NCEH1: variants seen among roughly 807,000 people sequenced by gnomAD.
The protein encoded by NCEH1 is 2-acetyl MAGE hydrolase.
In NCEH1, 9 loss-of-function variants were observed where a neutral mutation model predicts 25.4. That is an observed-to-expected ratio of 0.35 (90% CI 0.21 to 0.62). The LOEUF (loss-of-function observed/expected upper bound fraction) is 0.62, where lower values mean the gene tolerates loss of function less well. NCEH1 is among the 20% of genes least tolerant of loss of function. The pLI, the probability that NCEH1 is intolerant of heterozygous loss-of-function variation, is 0.72. For synonymous variants in NCEH1, 200 were observed against 199.8 expected (o/e 1.00, Z -0.01); for missense variants, 412 against 501.1 (o/e 0.82, Z 1.70).
intron 1 of NCEH1, among the ~76,000 whole-genome samples, chr3:172,694,892 C>A (rs1415668784): frequency 6.6e-6 from 1 of 152,188 alleles, no homozygotes; most frequent in Non-Finnish European, 1.5e-5. Flanking sequence ...CACTGACCTG[C>A]CAACAAATTT....
chr3:172,685,757 A>T (rs1208219012), intron 1 of NCEH1, among the ~76,000 whole-genome samples: 1 of 152,122 alleles, frequency 6.6e-6, no homozygotes, highest in Non-Finnish European at 1.5e-5. Context: ...CTAGAAGTAG[A>T]GCATCATTCT....
intron 1 of NCEH1, among the ~76,000 whole-genome samples, chr3:172,701,449 CTTT>C (rs10701435): frequency 4.5e-5 from 5 of 110,934 alleles, no homozygotes; most frequent in Admixed American, 1.9e-4. Flanking sequence ...GGTCTTTTGC[CTTT>C]TTTTTTTTTT....
At chr3:172,689,897 T>TTTTA (rs1265927894) in intron 1 of NCEH1, among the ~76,000 whole-genome samples, 78 of 145,120 alleles carry the variant, frequency 5.4e-4, no homozygotes, top group African/African-American at 2.0e-3. Context: ...TTTTTTATTA[T>TTTTA]TTTATTTATT....
chr3:172,686,382 C>T (rs966396454), intron 1 of NCEH1, among the ~76,000 whole-genome samples: 1 of 152,234 alleles, frequency 6.6e-6, no homozygotes. Flanking sequence ...TGGTACTACA[C>T]ATAGTGTATT....
chr3:172,680,218 T>G (rs1712268058), intron 1 of NCEH1, among the ~76,000 whole-genome samples: 1 of 152,154 alleles, frequency 6.6e-6, no homozygotes, highest in African/African-American at 2.4e-5. Flanking sequence ...ATCTTACCGA[T>G]TTTCTTTGCC....
At chr3:172,653,744 G>GTT (rs796835886) in intron 1 of NCEH1, among the ~76,000 whole-genome samples, 61 of 95,616 alleles carry the variant, frequency 6.4e-4, no homozygotes, top group African/African-American at 1.8e-3. Context: ...TGTTTTTTTT[G>GTT]TTTTTTTGTT....
intron 1 of NCEH1, among the ~76,000 whole-genome samples, chr3:172,707,098 C>T (rs1235551424): frequency 1.3e-5 from 2 of 152,040 alleles, no homozygotes; most frequent in Admixed American, 6.5e-5. Context: ...TCTCCAAAAA[C>T]GTGGTTCTAA....
intron 1 of NCEH1, among the ~76,000 whole-genome samples, chr3:172,673,856 T>A (rs1225538734): frequency 4.6e-5 from 7 of 152,306 alleles, no homozygotes; most frequent in East Asian, 3.9e-4. Context: ...TTTTCAGCCC[T>A]CAGGACGGCG....
chr3:172,673,728 A>G (rs913394163), intron 1 of NCEH1, among the ~76,000 whole-genome samples: 4 of 152,222 alleles, frequency 2.6e-5, no homozygotes, highest in African/African-American at 9.6e-5. Context: ...AAGGCAAGGA[A>G]GCCTCAAGGC....
At position 172,711,052 on chromosome 3, in the gene NCEH1, G is replaced by A. The variant is rs754897121; in HGVS notation, c.-68C>T. ...GGGCGATACCACCCGGAGACCTCCGGCAACTTTCTGCCCGCGGCAGCTGCT... is the reference window on the plus strand; with the variant it reads ...GGGCGATACCACCCGGAGACCTCCGACAACTTTCTGCCCGCGGCAGCTGCT... On this transcript the variant is annotated 5_prime_UTR_variant, in exon 1 of 5. Transcript: ENST00000475381. 37 of 1,609,796 alleles carry A rather than the reference G, an allele frequency of 2.3e-5. No homozygotes were observed. In the Middle Eastern group the frequency reaches 6.6e-4, roughly 29 times the overall value.
chr3:172,664,460 G>A (rs1478782212), intron 1 of NCEH1, among the ~76,000 whole-genome samples: 1 of 152,170 alleles, frequency 6.6e-6, no homozygotes, highest in Admixed American at 6.5e-5. Context: ...TTCACGAGGA[G>A]TATCTTTGTG....
At chr3:172,647,830 C>T in intron 2 of NCEH1, 56 bp downstream of exon 2, 1 of 1,602,796 alleles carries the variant, frequency 6.2e-7, no homozygotes, top group Non-Finnish European at 8.5e-7. Context: ...CTCAGTTACG[C>T]ATCTCCCCCA....
intron 3 of NCEH1, 58 bp downstream of exon 3, chr3:172,645,565 C>T (rs1717078925): frequency 9.4e-7 from 1 of 1,063,398 alleles, no homozygotes. Flanking sequence ...AGTAACCAGA[C>T]TGTTATCTAG....
At chr3:172,671,597 A>G (rs1458937295) in intron 1 of NCEH1, among the ~76,000 whole-genome samples, 1 of 152,134 alleles carries the variant, frequency 6.6e-6, no homozygotes, top group Admixed American at 6.5e-5. Flanking sequence ...GTGTGTATAT[A>G]TATTTACACA....
chr3:172,685,360 C>G (rs998557907), intron 1 of NCEH1, among the ~76,000 whole-genome samples: 3 of 152,226 alleles, frequency 2.0e-5, no homozygotes, highest in Non-Finnish European at 4.4e-5. Context: ...TCTCTCTAGT[C>G]TAGGTCTCAG....
At chr3:172,704,303 C>G (rs1713860037) in intron 1 of NCEH1, among the ~76,000 whole-genome samples, 1 of 152,210 alleles carries the variant, frequency 6.6e-6, no homozygotes, top group African/African-American at 2.4e-5. Context: ...GGGGAACACT[C>G]AGCATAAATA....
chr3:172,679,445 C>T (rs1408561515), intron 1 of NCEH1, among the ~76,000 whole-genome samples: 2 of 152,114 alleles, frequency 1.3e-5, no homozygotes, highest in Non-Finnish European at 2.9e-5. Flanking sequence ...TTACACCCCC[C>T]ACCCCCGACC....
Position 172,632,522 on chromosome 3 carries a change from A to G in NCEH1, c.*953T>C, listed in dbSNP as rs973589501. 2 of 152,546 alleles carry G rather than the reference A, an allele frequency of 1.3e-5. No individual in the cohort carries two copies. Among genetic ancestry groups the G allele is most frequent in the Non-Finnish European group, 2.9e-5 (2 of 68,028 alleles). 9.4% of individuals were successfully genotyped at this position (152,546 alleles called of 1,614,324 possible). On this transcript the variant is annotated 3_prime_UTR_variant, in exon 5 of 5. Transcript: ENST00000475381. The stretch of plus-strand genomic sequence containing the variant: ...AATTGAGTTTTCAATAATAGACTAG[A>G]CCTTCTAAAGGTATTTTTAACAATT...
At chr3:172,681,914 A>G (rs942313628) in intron 1 of NCEH1, among the ~76,000 whole-genome samples, 15 of 151,918 alleles carry the variant, frequency 9.9e-5, no homozygotes, top group Non-Finnish European at 2.1e-4. Flanking sequence ...GTCTCAAAAA[A>G]AAAAAAGACT....
Sources: allele counts gnomAD v4.1 joint callset (sites outside exome capture counted in the v4.1 genomes callset), GRCh38; gene constraint gnomAD v4.1.1; transcripts MANE v1.5; gene names NCBI Gene and HGNC (gene_info 2026-07-23, HGNC 2026-07-21).